The following DLG1 variants were observed in gnomAD, a reference collection of about 807,000 sequenced individuals.
DLG1 encodes the protein disks large homolog 1.
Under a neutral mutation model 123.4 loss-of-function variants are expected in DLG1, and 42 were observed. The ratio of observed to expected loss-of-function variants is 0.34; its 90% CI spans 0.27 to 0.44. The LOEUF (loss-of-function observed/expected upper bound fraction) is 0.44, where lower values mean the gene tolerates loss of function less well. Ranked by LOEUF, DLG1 falls within the 20% of genes least tolerant of loss-of-function variation. The pLI, the probability that DLG1 is intolerant of heterozygous loss-of-function variation, is 1.00. For synonymous variants in DLG1, 317 were observed against 356.2 expected (o/e 0.89, Z 1.24); for missense variants, 942 against 1,082.6 (o/e 0.87, Z 1.82).
intron 12 of DLG1, 118 bp downstream of exon 12, chr3:197,119,292 C>T: frequency 1.3e-6 from 1 of 741,206 alleles, no homozygotes; most frequent in Non-Finnish European, 2.0e-6. Flanking sequence ...AACCTTTAAG[C>T]TCACTAACTG....
chr3:197,289,343 C>T (rs1027121384), intron 3 of DLG1, among the ~76,000 whole-genome samples: 9 of 144,380 alleles, frequency 6.2e-5, no homozygotes, highest in African/African-American at 2.5e-4. Context: ...CACGCGCATA[C>T]ACACACACAC....
At chr3:197,107,337 G>A (rs1229630629) in intron 13 of DLG1, among the ~76,000 whole-genome samples, 1 of 152,176 alleles carries the variant, frequency 6.6e-6, no homozygotes, top group Non-Finnish European at 1.5e-5. Context: ...GAGGTCAGGA[G>A]ATCGAGACCT....
chr3:197,214,086 G>T (rs976132867), intron 4 of DLG1, among the ~76,000 whole-genome samples: 2 of 152,140 alleles, frequency 1.3e-5, no homozygotes, highest in Non-Finnish European at 2.9e-5. Context: ...GCTGTGATAA[G>T]AATAATATTT....
At chr3:197,150,345 C>A (rs1475731403) in intron 5 of DLG1, among the ~76,000 whole-genome samples, 1 of 151,954 alleles carries the variant, frequency 6.6e-6, no homozygotes, top group Non-Finnish European at 1.5e-5. Context: ...TTATTCTAGA[C>A]CACTCACAGA....
chr3:197,140,355 A>G (rs917981479), intron 7 of DLG1, 91 bp from the exon 8 acceptor site: 4 of 1,301,476 alleles, frequency 3.1e-6, no homozygotes, highest in African/African-American at 3.0e-5. Context: ...CTGTACTAAC[A>G]TAAGGAACAC....
chr3:197,177,801 C>T (rs879758921), intron 5 of DLG1, among the ~76,000 whole-genome samples: 11 of 152,090 alleles, frequency 7.2e-5, no homozygotes, highest in African/African-American at 2.4e-5. Flanking sequence ...TCTCTCCCTA[C>T]CTCATTTCCT....
intron 4 of DLG1, among the ~76,000 whole-genome samples, chr3:197,268,545 A>C (rs1045809623): frequency 1.3e-5 from 2 of 150,526 alleles, no homozygotes; most frequent in African/African-American, 4.9e-5. Context: ...TCATCCTCCC[A>C]CGTAGCTGGG....
rs73210554 is a variant in DLG1 at position 197,228,704 on chromosome 3, C to T, written c.319-34115G>A. Among the ~76,000 whole-genome samples, 690 of 152,254 alleles carry T rather than the reference C, an allele frequency of 4.5e-3. 4 individuals carry two copies. The highest frequency in any genetic ancestry group is 7.0e-3 in the Non-Finnish European group (474 of 68,010). On this transcript the variant is annotated intron_variant, in intron 4 of 24. Coordinates refer to ENST00000667157, the MANE Select transcript of DLG1 (RefSeq NM_001366207.1). Reference sequence around the variant, plus strand: ...ATCTGATAGATTTGCACTAAAGTGTCTTAGGCTGTTCTGCTTTTTAATGAT... The same window carrying T: ...ATCTGATAGATTTGCACTAAAGTGTTTTAGGCTGTTCTGCTTTTTAATGAT...
rs538677840 is a variant in DLG1, at chr3:197,085,717, A to T, written c.1701T>A (p.Leu567=). 3 of 1,613,886 alleles carry T rather than the reference A, an allele frequency of 1.9e-6. No homozygotes were observed. The South Asian group carries it at 3.3e-5, about 18-fold the overall frequency. The change falls in exon 16 of 25, where the codon CTT becomes CTA. Residue 567 remains leucine (L), a synonymous_variant. Coordinates refer to ENST00000667157, the MANE Select transcript of DLG1 (RefSeq NM_001366207.1). ...FDYDKTKDSG[L]PSQGLNFKFG... ...ATTTGAAGTTCAGTCCCTGACTGGG[A>T]AGCCCACTGTCTTTAGTCTTGTCAT...
In DLG1 at chr3:197,210,864, C is replaced by T. The variant is rs1001970222; in HGVS notation, c.319-16275G>A. On this transcript the variant is annotated intron_variant, in intron 4 of 24. Transcript: ENST00000667157. ...ATACCAAAACCTGACAAAGACATTA[C>T]GAAAAAAGAAAATGACACAAATATC... is the stretch of plus-strand genomic sequence containing the variant. 6.2e-5 allele frequency among the ~76,000 whole-genome samples: 9 copies of T among 144,554 alleles called. 1 individual carries two copies. The highest frequency in any genetic ancestry group is 9.3e-5 in the Non-Finnish European group (6 of 64,662). The allele number at this position is 144,554 out of a possible 152,430, so 94.8% of individuals were successfully genotyped here.
chr3:197,180,068 G>T (rs781622411), intron 5 of DLG1, among the ~76,000 whole-genome samples: 267 of 21,174 alleles, frequency 0.013, 2 homozygotes, highest in East Asian at 0.041. Context: ...TTTTTTTTTT[G>T]GGGGGGGGGG....
chr3:197,240,447 C>G (rs914048223), intron 4 of DLG1, among the ~76,000 whole-genome samples: 3 of 152,166 alleles, frequency 2.0e-5, no homozygotes, highest in Non-Finnish European at 4.4e-5. Flanking sequence ...AAAACCAAAA[C>G]AAGCCAGACA....
intron 14 of DLG1, among the ~76,000 whole-genome samples, chr3:197,099,939 G>A (rs73208287): frequency 0.11 from 16,249 of 152,140 alleles, 1,050 homozygotes; most frequent in Middle Eastern, 0.15. Flanking sequence ...CAAAACCCGT[G>A]CATGTTCAAG....
intron 18 of DLG1, among the ~76,000 whole-genome samples, chr3:197,076,186 T>C (rs1473117355): frequency 6.6e-6 from 1 of 152,184 alleles, no homozygotes; most frequent in African/African-American, 2.4e-5. Flanking sequence ...TAAAATGTAA[T>C]GATTCCAGAG....
intron 11 of DLG1, among the ~76,000 whole-genome samples, chr3:197,121,734 C>T (rs1224104276): frequency 7.2e-6 from 1 of 138,950 alleles, no homozygotes; most frequent in Non-Finnish European, 1.5e-5. Flanking sequence ...CTAACTAGTA[C>T]AAAAATTGTT....
At chr3:197,100,968 C>T (rs1486047447) in intron 14 of DLG1, among the ~76,000 whole-genome samples, 15 of 152,178 alleles carry the variant, frequency 9.9e-5, no homozygotes, top group South Asian at 2.1e-4. Context: ...CTAATAAAAG[C>T]TGTTTCTCCC....
In DLG1 at chr3:197,164,558, T is replaced by C. The variant is rs575593653; in HGVS notation, c.484-14762A>G. 7.2e-5 allele frequency among the ~76,000 whole-genome samples: 11 copies of C among 152,202 alleles called. No individual in the cohort carries two copies. The South Asian group carries it at 2.3e-3, about 32-fold the overall frequency. Reference sequence around the variant, plus strand: ...TGCTTCTATTTGGTAAATCGTGGAATATTTGAAATACCCAAAGGTGTCAGA... The same window carrying C: ...TGCTTCTATTTGGTAAATCGTGGAACATTTGAAATACCCAAAGGTGTCAGA... On this transcript the variant is annotated intron_variant, in intron 5 of 24. Transcript: ENST00000667157.
At chr3:197,250,980 CA>C (rs34378051) in intron 4 of DLG1, among the ~76,000 whole-genome samples, 26,394 of 86,984 alleles carry the variant, frequency 0.3, 3,125 homozygotes, top group African/African-American at 0.49. Flanking sequence ...AAGACTCCAT[CA>C]AAAAAAAAAA....
chr3:197,133,285 C>T (rs7647189), intron 10 of DLG1, among the ~76,000 whole-genome samples: 60,019 of 151,962 alleles, frequency 0.39, 12,440 homozygotes, highest in East Asian at 0.74. Flanking sequence ...CTCACCCTAA[C>T]CACGCAAAGA....
Sources: allele counts gnomAD v4.1 joint callset (sites outside exome capture counted in the v4.1 genomes callset), GRCh38; gene constraint gnomAD v4.1.1; transcripts MANE v1.5; gene names NCBI Gene and HGNC (gene_info 2026-07-23, HGNC 2026-07-21).